The following CEP192 variants were observed in gnomAD, a reference collection of about 807,000 sequenced individuals.
CEP192 encodes centrosomal protein 192, also known as centrosomal protein of 192 kDa.
In CEP192, 151 loss-of-function variants were observed where a neutral mutation model predicts 271.8. The ratio of observed to expected loss-of-function variants is 0.56; its 90% CI spans 0.49 to 0.64. The LOEUF is 0.64. CEP192 is among the 30% of genes least tolerant of loss of function. The pLI is 0.00. For synonymous variants in CEP192, 995 were observed against 1,076.5 expected (o/e 0.92, Z 1.48); for missense variants, 2,910 against 3,020.5 (o/e 0.96, Z 0.86).
chr18:13,064,467 C>A (rs1255061661), intron 21 of CEP192, among the ~76,000 whole-genome samples: 1 of 151,902 alleles, frequency 6.6e-6, no homozygotes, highest in Non-Finnish European at 1.5e-5. Flanking sequence ...AAAAAATTAG[C>A]CAGGCGTGGT....
At chr18:13,114,001 G>C (rs2040321100) in intron 41 of CEP192, 129 bp from the exon 42 acceptor site, 7 of 1,070,726 alleles carry the variant, frequency 6.5e-6, no homozygotes, top group African/African-American at 3.2e-5. Flanking sequence ...TTGCAATTTA[G>C]GGGATTTAAA....
intron 9 of CEP192, chr18:13,024,206 T>C: frequency 2.5e-6 from 1 of 404,558 alleles, no homozygotes; most frequent in South Asian, 1.8e-5. Flanking sequence ...GGTTATGTCT[T>C]CCTAGAGAAT....
At position 13,105,138 on chromosome 18, in the gene CEP192, T is replaced by C. The variant is rs370993696; in HGVS notation, c.7047+59T>C. Reference sequence around the variant, plus strand: ...ATGTAAATTGTCCAGGAGTGCCTCATTGGATTCCACCCATTTAGCTTGTTT... The same window carrying C: ...ATGTAAATTGTCCAGGAGTGCCTCACTGGATTCCACCCATTTAGCTTGTTT... On this transcript the variant is annotated intron_variant, in intron 40 of 44. Transcript: ENST00000506447. 6.0e-6 allele frequency: 7 copies of C among 1,173,816 alleles called. No individual in the cohort carries two copies. In the Admixed American group the frequency reaches 6.7e-5, roughly 11 times the overall value. The allele number at this position is 1,173,816 out of a possible 1,614,324, so 72.7% of individuals were successfully genotyped here.
chr18:13,016,514 T>C (rs570918227), intron 6 of CEP192, among the ~76,000 whole-genome samples: 1 of 152,256 alleles, frequency 6.6e-6, no homozygotes, highest in East Asian at 1.9e-4. Context: ...TTTCAGACTT[T>C]TTTGGATTTT....
intron 21 of CEP192, among the ~76,000 whole-genome samples, chr18:13,061,552 TA>T (rs2037409237): frequency 6.6e-6 from 1 of 152,268 alleles, no homozygotes; most frequent in Non-Finnish European, 1.5e-5. Context: ...ATGTTCTTTA[TA>T]AAGTTTTTTT....
At chr18:13,073,863 C>A (rs1304967993) in intron 30 of CEP192, among the ~76,000 whole-genome samples, 1 of 152,154 alleles carries the variant, frequency 6.6e-6, no homozygotes. Context: ...TGTGAATTTG[C>A]GGGGGGACAT....
At chr18:13,095,719 C>T (rs374838691) in intron 35 of CEP192, 38 bp downstream of exon 35, 44 of 1,576,092 alleles carry the variant, frequency 2.8e-5, no homozygotes, top group South Asian at 1.3e-4. Context: ...AGGTGTGTTC[C>T]GGCGTCCGGG....
At chr18:13,054,936 T>C (rs2037001468) in intron 18 of CEP192, among the ~76,000 whole-genome samples, 1 of 152,180 alleles carries the variant, frequency 6.6e-6, no homozygotes, top group Admixed American at 6.5e-5. Context: ...TCATGCTTCA[T>C]AGAGCCACAC....
Position 13,056,155 on chromosome 18 carries a change from T to C in CEP192, c.3565T>C (p.Cys1189Arg), listed in dbSNP as rs1392598463. 2 of 1,613,668 alleles carry C rather than the reference T, an allele frequency of 1.2e-6. No homozygotes were observed. Among genetic ancestry groups the C allele is most frequent in the Non-Finnish European group, 1.7e-6 (2 of 1,179,814 alleles). ...VGSATSHPVSCQEPIDEDQRI... is the reference protein window; with the variant it reads ...VGSATSHPVSRQEPIDEDQRI... ...GTCAGCCACATCACACCCTGTGTCC[T>C]GCCAGGAGCCTATAGATGAAGATCA... Residue 1189 changes from cysteine (C) to arginine (R), a missense_variant, in exon 19 of 45, where the codon TGC becomes CGC. By Grantham distance (180) the Cys-to-Arg change is radical (BLOSUM62 -3). Transcript: ENST00000506447.
Position 13,056,098 on chromosome 18 carries a change from C to T in CEP192, c.3508C>T (p.Leu1170=). The change falls in exon 19 of 45, where the codon CTG becomes TTG. Residue 1170 remains leucine (L), a synonymous_variant. Coordinates refer to ENST00000506447, the MANE Select transcript of CEP192 (RefSeq NM_032142.4). ...ATTGGACCCGATCAGGCTGGCTCTC[C>T]TGGGCAAGTCAGGTCTGAGCTGTCA... The part of the protein sequence containing the change: ...EELDPIRLAL[L]GKSGLSCQVG... The T allele has an allele frequency of 3.7e-6, 6 of 1,613,348 alleles. No homozygotes were observed. Among genetic ancestry groups the T allele is most frequent in the Non-Finnish European group, 5.1e-6 (6 of 1,179,558 alleles).
chr18:13,098,052 A>G (rs1568413796), intron 36 of CEP192, among the ~76,000 whole-genome samples: 4 of 152,154 alleles, frequency 2.6e-5, no homozygotes, highest in Non-Finnish European at 4.4e-5. Flanking sequence ...TTCTTTCTAC[A>G]CAGACACAGC....
At position 13,100,344 on chromosome 18, in the gene CEP192, G is replaced by A. The variant is rs1222396901; in HGVS notation, c.6703G>A (p.Val2235Met). ...TCAAATTCGAGAAGATTTAACTCAAGTGGAACTTTTAACTCGTTTGACCTC... is the reference window on the plus strand; with the variant it reads ...TCAAATTCGAGAAGATTTAACTCAAATGGAACTTTTAACTCGTTTGACCTC... ...KVQIREDLTQ[V>M]ELLTRLTSKP... The change falls in exon 38 of 45, where the codon GTG (valine) becomes ATG (methionine). Residue 2235 changes from valine (V) to methionine (M), a missense_variant. Physicochemically the swap from Val to Met is conservative, Grantham distance 21 (BLOSUM62 1). Coordinates refer to ENST00000506447, the MANE Select transcript of CEP192 (RefSeq NM_032142.4). The A allele has an allele frequency of 6.2e-7, 1 of 1,614,088 alleles. No homozygotes were observed. Among genetic ancestry groups the A allele is most frequent in the Non-Finnish European group, 8.5e-7 (1 of 1,179,986 alleles).
At chr18:13,078,926 G>C (rs941644065) in intron 30 of CEP192, among the ~76,000 whole-genome samples, 1 of 152,040 alleles carries the variant, frequency 6.6e-6, no homozygotes, top group Non-Finnish European at 1.5e-5. Flanking sequence ...TGAGAATGAT[G>C]GTTTCCAGCT....
chr18:13,035,227 T>G (rs971760247), intron 11 of CEP192, among the ~76,000 whole-genome samples: 3 of 152,214 alleles, frequency 2.0e-5, no homozygotes, highest in Non-Finnish European at 4.4e-5. Flanking sequence ...CCAGGTGATA[T>G]TTAACTCCTC....
intron 6 of CEP192, among the ~76,000 whole-genome samples, chr18:13,016,208 A>G (rs1238484396): frequency 1.3e-5 from 2 of 152,148 alleles, no homozygotes; most frequent in Non-Finnish European, 2.9e-5. Flanking sequence ...GCAGGTACTG[A>G]AGCTTTCTAG....
At chr18:13,106,492 C>G (rs1439526717) in intron 40 of CEP192, among the ~76,000 whole-genome samples, 1 of 150,524 alleles carries the variant, frequency 6.6e-6, no homozygotes, top group Non-Finnish European at 1.5e-5. Context: ...CTACTCACCA[C>G]TGCCATCACC....
intron 5 of CEP192, among the ~76,000 whole-genome samples, chr18:13,013,854 G>C (rs923169615): frequency 1.3e-5 from 2 of 152,230 alleles, no homozygotes; most frequent in Non-Finnish European, 2.9e-5. Flanking sequence ...TGTAAGAGTT[G>C]TAAAGTTTAT....
intron 42 of CEP192, 46 bp from the exon 43 acceptor site, chr18:13,116,331 A>T: frequency 6.3e-7 from 1 of 1,581,884 alleles, no homozygotes; most frequent in African/African-American, 1.4e-5. Context: ...AGTTTAAGTT[A>T]CTGTGGATTT....
At chr18:13,009,088 G>A (rs978169522) in intron 4 of CEP192, among the ~76,000 whole-genome samples, 1 of 150,210 alleles carries the variant, frequency 6.7e-6, no homozygotes, top group Non-Finnish European at 1.5e-5. Context: ...GAACTCCTGG[G>A]CTCAAGCAAT....
Sources: allele counts gnomAD v4.1 joint callset (sites outside exome capture counted in the v4.1 genomes callset), GRCh38; gene constraint gnomAD v4.1.1; transcripts MANE v1.5; gene names NCBI Gene and HGNC (gene_info 2026-07-23, HGNC 2026-07-21).